The following FBXO4 variants were observed in gnomAD, a reference collection of about 807,000 sequenced individuals.
The protein encoded by FBXO4 is F-box protein 4.
FBXO4 carries 36 observed loss-of-function variants against 43.7 expected under a neutral mutation model. That is an observed-to-expected ratio of 0.82 (90% CI 0.63 to 1.09). FBXO4 has a LOEUF of 1.09. Among genes scored for constraint, FBXO4 ranks in the 50% least tolerant of loss-of-function variants. The pLI is 0.00. For missense variants in FBXO4, 435 were observed against 474.1 expected, an observed-to-expected ratio of 0.92 and a Z score of 0.77; for synonymous variants, 180 against 165.6, an observed-to-expected ratio of 1.09 and a Z score of -0.67.
the FBXO4 span, among the ~76,000 whole-genome samples, chr5:41,986,237 T>C: frequency 6.6e-6 from 1 of 152,114 alleles, no homozygotes; most frequent in Non-Finnish European, 1.5e-5. Context: ...TTAAAATTTT[T>C]TTCTGGTCCT....
At chr5:41,974,090 C>A in the FBXO4 span, among the ~76,000 whole-genome samples, 1 of 152,112 alleles carries the variant, frequency 6.6e-6, no homozygotes, top group African/African-American at 2.4e-5. Context: ...TGTTATCTTT[C>A]TTTCTCCGTA....
At chr5:42,023,933 A>T in the FBXO4 span, among the ~76,000 whole-genome samples, 2,431 of 152,082 alleles carry the variant, frequency 0.016, 123 homozygotes, top group East Asian at 0.1. Flanking sequence ...TCTCCACACC[A>T]AAACCTTCCC....
chr5:41,988,116 T>G, the FBXO4 span, among the ~76,000 whole-genome samples: 1 of 152,098 alleles, frequency 6.6e-6, no homozygotes, highest in African/African-American at 2.4e-5. Context: ...GGTGGTAACA[T>G]GTGGGGGGGA....
chr5:42,017,988 T>G, the FBXO4 span, among the ~76,000 whole-genome samples: 1 of 151,888 alleles, frequency 6.6e-6, no homozygotes, highest in Admixed American at 6.6e-5. Context: ...CAAATAGTAG[T>G]TTTAAAAAGA....
the FBXO4 span, among the ~76,000 whole-genome samples, chr5:41,999,561 A>ATG: frequency 2.2e-3 from 283 of 129,366 alleles, 2 homozygotes; most frequent in African/African-American, 8.2e-3. Flanking sequence ...ATATATATAT[A>ATG]TGTATATATA....
chr5:41,952,291 T>G, the FBXO4 span: 1 of 152,150 alleles, frequency 6.6e-6, no homozygotes, highest in African/African-American at 2.4e-5. Flanking sequence ...AACTGAAAAT[T>G]TAGTATATTT....
chr5:41,932,033 C>G (rs1235594471), intron 3 of FBXO4, among the ~76,000 whole-genome samples: 1 of 152,078 alleles, frequency 6.6e-6, no homozygotes, highest in East Asian at 1.9e-4. Flanking sequence ...CAGGAGAAGC[C>G]TCACCTAGGG....
chr5:42,040,167 A>T, the FBXO4 span, among the ~76,000 whole-genome samples: 1 of 152,090 alleles, frequency 6.6e-6, no homozygotes. Flanking sequence ...TGCAAGATGT[A>T]TCCCATCTAC....
rs200832091 is a variant in FBXO4 at position 41,925,536 on chromosome 5, C to T, written c.189+38C>T. 7.9e-5 allele frequency: 102 copies of T among 1,283,784 alleles called. No individual in the cohort carries two copies. In the East Asian group the frequency reaches 3.2e-3, roughly 41 times the overall value. The allele number at this position is 1,283,784 out of a possible 1,614,324, so 79.5% of individuals were successfully genotyped here. A position where few individuals can be genotyped will look rare whatever the true frequency, so the allele number is the denominator to read the frequency against. ...CGCAGGCCGCGGAGGACAGTGGGGC[C>T]GGCCCGGGCCGGAGGGACCTCCCCT... On this transcript the variant is annotated intron_variant, in intron 1 of 6. Coordinates refer to ENST00000281623, the MANE Select transcript of FBXO4 (RefSeq NM_012176.3).
the FBXO4 span, chr5:41,968,081 G>T: frequency 2.8e-6 from 1 of 353,290 alleles, no homozygotes; most frequent in Non-Finnish European, 5.9e-6. Context: ...GCTTCATTTA[G>T]TTGGCAATGG....
chr5:41,996,201 AT>A, the FBXO4 span, among the ~76,000 whole-genome samples: 2 of 152,130 alleles, frequency 1.3e-5, no homozygotes, highest in Non-Finnish European at 2.9e-5. Flanking sequence ...CTGATCACAT[AT>A]ATACCACTTC....
At chr5:42,012,567 A>G in the FBXO4 span, among the ~76,000 whole-genome samples, 1 of 152,168 alleles carries the variant, frequency 6.6e-6, no homozygotes, top group Admixed American at 6.5e-5. Context: ...ATAGCAAATT[A>G]GGACTGTGTT....
At chr5:41,948,726 A>G in the FBXO4 span, among the ~76,000 whole-genome samples, 1 of 152,092 alleles carries the variant, frequency 6.6e-6, no homozygotes, top group African/African-American at 2.4e-5. Flanking sequence ...AGCATTCTGT[A>G]TTTTCTAAGT....
chr5:42,037,137 T>C, the FBXO4 span, among the ~76,000 whole-genome samples: 7 of 152,142 alleles, frequency 4.6e-5, no homozygotes, highest in Non-Finnish European at 7.4e-5. Context: ...TCACTACAGT[T>C]GGAGTTCACT....
chr5:41,939,233 C>A, intron 5 of FBXO4: 1 of 425,126 alleles, frequency 2.4e-6, no homozygotes, highest in Non-Finnish European at 4.2e-6. Flanking sequence ...GTAGTGACAT[C>A]TACAGAATTT....
the FBXO4 span, among the ~76,000 whole-genome samples, chr5:41,984,334 T>C: frequency 6.6e-6 from 1 of 152,232 alleles, no homozygotes; most frequent in Non-Finnish European, 1.5e-5. Flanking sequence ...ATTTACTTTA[T>C]GCAGACTAAA....
the FBXO4 span, among the ~76,000 whole-genome samples, chr5:41,965,985 G>T: frequency 6.6e-6 from 1 of 152,116 alleles, no homozygotes; most frequent in South Asian, 2.1e-4. Context: ...TGATGAGTTC[G>T]TGTCCTTTGT....
chr5:42,009,116 A>C, the FBXO4 span, among the ~76,000 whole-genome samples: 1 of 152,186 alleles, frequency 6.6e-6, no homozygotes, highest in Non-Finnish European at 1.5e-5. Flanking sequence ...CAACAGAGGC[A>C]GTGCTTCAGG....
rs1254040765 is a variant in FBXO4, at chr5:41,925,405, G to A, written c.96G>A (p.Lys32=). 5.1e-6 allele frequency: 7 copies of A among 1,384,730 alleles called. No individual in the cohort carries two copies. In the Admixed American group the frequency reaches 2.2e-4, roughly 44 times the overall value. The allele number at this position is 1,384,730 out of a possible 1,614,324, so 85.8% of individuals were successfully genotyped here. The part of the protein sequence containing the change: ...RLEAAILSGW[K]TFWQSVSKER... ...AGGCGGCCATCCTCAGCGGCTGGAAGACCTTCTGGCAGTCAGTGAGCAAGG... is the reference window on the plus strand; with the variant it reads ...AGGCGGCCATCCTCAGCGGCTGGAAAACCTTCTGGCAGTCAGTGAGCAAGG... Residue 32 remains lysine (K), a synonymous_variant, in exon 1 of 7, where the codon AAG becomes AAA. Transcript: ENST00000281623.
Sources: allele counts gnomAD v4.1 joint callset (sites outside exome capture counted in the v4.1 genomes callset), GRCh38; gene constraint gnomAD v4.1.1; transcripts MANE v1.5; gene names NCBI Gene and HGNC (gene_info 2026-07-23, HGNC 2026-07-21).